Variants in HPSE2 observed in about 807,000 individuals in gnomAD.
The protein encoded by HPSE2 is inactive heparanase-2.
In HPSE2, 38 loss-of-function variants were observed where a neutral mutation model predicts 60.5. The observed-to-expected ratio is 0.63, with a 90% CI of 0.48 to 0.82. The LOEUF is 0.82. Ranked by LOEUF, HPSE2 falls within the 40% of genes least tolerant of loss-of-function variation. HPSE2 has a pLI of 0.00. For missense variants in HPSE2, 713 were observed against 740.4 expected (o/e 0.96, Z 0.43); for synonymous variants, 295 against 293.2 (o/e 1.01, Z -0.06).
At chr10:98,877,512 C>A (rs1050305360) in intron 3 of HPSE2, among the ~76,000 whole-genome samples, 8 of 151,720 alleles carry the variant, frequency 5.3e-5, no homozygotes, top group African/African-American at 1.7e-4. Flanking sequence ...AAAGTGGGAA[C>A]AAAAATAGGC....
intron 5 of HPSE2, among the ~76,000 whole-genome samples, chr10:98,697,703 T>C (rs1948267020): frequency 6.6e-6 from 1 of 151,980 alleles, no homozygotes; most frequent in Non-Finnish European, 1.5e-5. Flanking sequence ...AGACACGTAA[T>C]GATCAGATTC....
intron 4 of HPSE2, among the ~76,000 whole-genome samples, chr10:98,738,582 C>A (rs1949416028): frequency 6.6e-6 from 1 of 152,038 alleles, no homozygotes; most frequent in African/African-American, 2.4e-5. Context: ...ATCCATCTGA[C>A]AAAGGGCGAA....
At chr10:98,667,009 A>G (rs1212056945) in intron 6 of HPSE2, among the ~76,000 whole-genome samples, 3 of 149,330 alleles carry the variant, frequency 2.0e-5, no homozygotes, top group Non-Finnish European at 3.0e-5. Flanking sequence ...AATAAAAAAG[A>G]TTGTTAAACA....
At chr10:99,156,491 G>C (rs1425590611) in intron 2 of HPSE2, among the ~76,000 whole-genome samples, 1 of 132,604 alleles carries the variant, frequency 7.5e-6, no homozygotes, top group African/African-American at 2.6e-5. Flanking sequence ...CAGAGCCAAA[G>C]ACAAAAACCA....
intron 9 of HPSE2, among the ~76,000 whole-genome samples, chr10:98,546,317 T>C (rs1390985081): frequency 2.2e-5 from 3 of 136,874 alleles, no homozygotes; most frequent in African/African-American, 7.5e-5. Context: ...AAAGTTCATA[T>C]GGAACCAAAA....
chr10:98,996,316 C>A (rs188948001), intron 3 of HPSE2, among the ~76,000 whole-genome samples: 1 of 152,056 alleles, frequency 6.6e-6, no homozygotes, highest in Admixed American at 6.6e-5. Flanking sequence ...TAACACTAAG[C>A]GCCCATTAGA....
At chr10:99,049,133 T>C (rs1957931376) in intron 3 of HPSE2, among the ~76,000 whole-genome samples, 1 of 152,176 alleles carries the variant, frequency 6.6e-6, no homozygotes, top group Non-Finnish European at 1.5e-5. Flanking sequence ...TTGGGTACTA[T>C]GTGTACTACC....
the HPSE2 span, among the ~76,000 whole-genome samples, chr10:99,277,192 C>CT: frequency 3.3e-5 from 5 of 152,308 alleles, no homozygotes; most frequent in Non-Finnish European, 7.3e-5. Flanking sequence ...ACAATCATCT[C>CT]TATCATATCA....
rs1271244868 is a variant in HPSE2, at chr10:98,936,102, A to G, written c.611-192046T>C. Among the ~76,000 whole-genome samples, 5 of 144,566 alleles carry G rather than the reference A, an allele frequency of 3.5e-5. 1 individual carries two copies. The highest frequency in any genetic ancestry group is 1.4e-4 in the African/African-American group (5 of 35,796). The allele number at this position is 144,566 out of a possible 152,430, so 94.8% of individuals were successfully genotyped here. A position where few individuals can be genotyped will look rare whatever the true frequency, so the allele number is the denominator to read the frequency against. ...ACCTCCCAGTCTCCTTAGCCCTCTC[A>G]GGGGAAAACTGCCTACTAAAGCCAC... On this transcript the variant is annotated intron_variant, in intron 3 of 11. Transcript: ENST00000370552.
chr10:98,544,577 G>C lies in HPSE2; in HGVS notation c.1321-54381C>G, dbSNP rs57050836. On this transcript the variant is annotated intron_variant, in intron 9 of 11. Coordinates refer to ENST00000370552, the MANE Select transcript of HPSE2 (RefSeq NM_021828.5). ...ACACAAAAAAAATTAGCCGGGCGTG[G>C]TGGCGGGCGCCTGTAGTCCCAGCTA... Among the ~76,000 whole-genome samples, 580 of 151,708 alleles carry C rather than the reference G, an allele frequency of 3.8e-3. 2 individuals carry two copies. The highest frequency in any genetic ancestry group is 0.013 in the African/African-American group (548 of 41,440).
At chr10:98,484,656 T>A (rs1221636433) in intron 10 of HPSE2, among the ~76,000 whole-genome samples, 1 of 152,258 alleles carries the variant, frequency 6.6e-6, no homozygotes, top group Non-Finnish European at 1.5e-5. Context: ...TATTTTAATA[T>A]ATAAAAGTTA....
intron 9 of HPSE2, among the ~76,000 whole-genome samples, chr10:98,502,419 C>T (rs765418732): frequency 2.6e-5 from 4 of 152,018 alleles, no homozygotes; most frequent in East Asian, 3.9e-4. Context: ...AACTGATCTT[C>T]GACAAAGCAA....
At chr10:98,588,730 T>G (rs1368021355) in intron 9 of HPSE2, among the ~76,000 whole-genome samples, 1 of 150,164 alleles carries the variant, frequency 6.7e-6, no homozygotes, top group Non-Finnish European at 1.5e-5. Context: ...TAAACACCAG[T>G]GTAGTGCACC....
At chr10:99,083,957 T>G (rs903168562) in intron 3 of HPSE2, among the ~76,000 whole-genome samples, 1 of 140,938 alleles carries the variant, frequency 7.1e-6, no homozygotes, top group Non-Finnish European at 1.5e-5. Context: ...TATGGGAATG[T>G]GTGAAAGCCT....
At chr10:98,811,470 A>G (rs1482793473) in intron 3 of HPSE2, among the ~76,000 whole-genome samples, 1 of 152,166 alleles carries the variant, frequency 6.6e-6, no homozygotes, top group East Asian at 1.9e-4. Flanking sequence ...TAAATGAATG[A>G]AGACTAATGT....
At chr10:98,894,643 A>G (rs1361028888) in intron 3 of HPSE2, among the ~76,000 whole-genome samples, 4 of 152,196 alleles carry the variant, frequency 2.6e-5, no homozygotes, top group Non-Finnish European at 5.9e-5. Context: ...CAATGAGGTT[A>G]GACTGAAAAG....
At chr10:99,150,563 C>T (rs922848019) in intron 2 of HPSE2, among the ~76,000 whole-genome samples, 5 of 152,196 alleles carry the variant, frequency 3.3e-5, no homozygotes, top group African/African-American at 1.2e-4. Context: ...TCAAACAATC[C>T]TCCCGCCTCA....
In HPSE2 at chr10:98,982,815, T is replaced by C. The variant is rs1371546206; in HGVS notation, c.610+161423A>G. Among the ~76,000 whole-genome samples the C allele has an allele frequency of 2.6e-5, 4 of 152,210 alleles. No individual in the cohort carries two copies. In the South Asian group the frequency reaches 6.2e-4, roughly 24 times the overall value. On this transcript the variant is annotated intron_variant, in intron 3 of 11. Transcript: ENST00000370552. ...TTTACCTCTAATAAAACAAATAATG[T>C]CAAATTCTGATAGTTAATTATTGAG...
intron 9 of HPSE2, among the ~76,000 whole-genome samples, chr10:98,544,570 G>A (rs972497876): frequency 2.6e-4 from 40 of 151,760 alleles, no homozygotes; most frequent in African/African-American, 8.4e-4. Context: ...AAAATTAGCC[G>A]GGCGTGGTGG....
Sources: allele counts gnomAD v4.1 joint callset (sites outside exome capture counted in the v4.1 genomes callset), GRCh38; gene constraint gnomAD v4.1.1; transcripts MANE v1.5; gene names NCBI Gene and HGNC (gene_info 2026-07-23, HGNC 2026-07-21).